Variants in XKR9 observed in about 807,000 individuals in gnomAD.
XKR9 encodes the protein XK related 9, also known as XK-related protein 9.
Under a neutral mutation model 32.0 loss-of-function variants are expected in XKR9, and 32 were observed. The observed-to-expected ratio is 1.00, with a 90% CI of 0.76 to 1.34. The LOEUF is 1.34. Among genes scored for constraint, XKR9 ranks in the 40% most tolerant of loss-of-function variants. The probability of loss-of-function intolerance (pLI) is 0.00; values close to 1 mark genes in which losing one functional copy is unlikely to be tolerated. For synonymous variants in XKR9, 168 were observed against 143.4 expected (o/e 1.17, Z -1.22); for missense variants, 546 against 429.7 (o/e 1.27, Z -2.39).
the XKR9 span, among the ~76,000 whole-genome samples, chr8:71,015,341 T>G: frequency 6.6e-6 from 1 of 152,180 alleles, no homozygotes; most frequent in African/African-American, 2.4e-5. Flanking sequence ...CAGTTTCCCT[T>G]AACTTCCCAG....
chr8:70,997,309 C>CA, the XKR9 span, among the ~76,000 whole-genome samples: 167 of 146,910 alleles, frequency 1.1e-3, no homozygotes, highest in Middle Eastern at 3.4e-3. Flanking sequence ...AAAAAACAAA[C>CA]AAAAAAAAAA....
chr8:70,946,619 T>C, the XKR9 span, among the ~76,000 whole-genome samples: 173 of 152,344 alleles, frequency 1.1e-3, no homozygotes, highest in Admixed American at 3.1e-3. Flanking sequence ...GAGGCTTGAC[T>C]GTAAAGCCCC....
At chr8:70,700,941 G>A (rs1805504794) in intron 3 of XKR9, among the ~76,000 whole-genome samples, 1 of 152,214 alleles carries the variant, frequency 6.6e-6, no homozygotes, top group Non-Finnish European at 1.5e-5. Context: ...ATCTCAGACT[G>A]CTGTGCTAGC....
At chr8:70,944,828 A>G in the XKR9 span, among the ~76,000 whole-genome samples, 1 of 152,224 alleles carries the variant, frequency 6.6e-6, no homozygotes, top group East Asian at 1.9e-4. Context: ...CATATACACA[A>G]AAATCACTCT....
At chr8:70,705,255 A>G (rs1805680428) in intron 3 of XKR9, among the ~76,000 whole-genome samples, 1 of 152,208 alleles carries the variant, frequency 6.6e-6, no homozygotes, top group South Asian at 2.1e-4. Context: ...TTAGTTGTTT[A>G]GGATATAGCA....
downstream of XKR9, among the ~76,000 whole-genome samples, chr8:70,737,445 T>A: frequency 1.4e-5 from 2 of 148,078 alleles, no homozygotes; most frequent in African/African-American, 2.5e-5. Context: ...CTTTTCCTGA[T>A]TGAATACCCT....
At chr8:70,724,841 C>CT (rs1806408807) in intron 4 of XKR9, among the ~76,000 whole-genome samples, 2 of 152,060 alleles carry the variant, frequency 1.3e-5, no homozygotes, top group South Asian at 4.2e-4. Context: ...TCTGGGTTTT[C>CT]TTTTTTTGGG....
the XKR9 span, among the ~76,000 whole-genome samples, chr8:70,901,794 T>C: frequency 6.6e-6 from 1 of 152,210 alleles, no homozygotes. Context: ...GTGGTTTAGG[T>C]CTAACATTTA....
In XKR9 at chr8:70,735,459, A is replaced by C. The variant is rs1000962412; in HGVS notation, c.*1035A>C. 2 of 149,238 alleles carry C rather than the reference A, an allele frequency of 1.3e-5. No homozygotes were observed. The highest frequency in any genetic ancestry group is 2.4e-5 in the African/African-American group (1 of 40,938). The allele number at this position is 149,238 out of a possible 1,614,324, so 9.2% of individuals were successfully genotyped here. ...TATTTATTTTTAATTTTTTAATTTT[A>C]TATTATTATTATTATTATTATACTT... On this transcript the variant is annotated 3_prime_UTR_variant, in exon 5 of 5. Coordinates refer to ENST00000408926, the MANE Select transcript of XKR9 (RefSeq NM_001011720.2).
chr8:70,935,228 T>G, the XKR9 span, among the ~76,000 whole-genome samples: 1 of 57,366 alleles, frequency 1.7e-5, no homozygotes, highest in Admixed American at 1.7e-4. Context: ...CACACACACA[T>G]ACACATTTGA....
At chr8:70,744,964 G>T (rs1394950300) in intron 2 of XKR9, among the ~76,000 whole-genome samples, 1 of 150,200 alleles carries the variant, frequency 6.7e-6, no homozygotes, top group South Asian at 2.1e-4. Flanking sequence ...ATGTTTTTCA[G>T]CTTTAGCTCA....
intron 2 of XKR9, among the ~76,000 whole-genome samples, chr8:70,675,271 C>CA (rs1456927621): frequency 6.6e-6 from 1 of 152,148 alleles, no homozygotes. Context: ...ACTAAAAATA[C>CA]AAAAATTAGC....
intron 4 of XKR9, among the ~76,000 whole-genome samples, chr8:70,717,900 C>T (rs1806145154): frequency 6.6e-6 from 1 of 152,114 alleles, no homozygotes; most frequent in Non-Finnish European, 1.5e-5. Context: ...ACCAGATACC[C>T]TAAATCATCT....
At chr8:70,871,033 CAT>C in the XKR9 span, among the ~76,000 whole-genome samples, 1 of 152,110 alleles carries the variant, frequency 6.6e-6, no homozygotes, top group Non-Finnish European at 1.5e-5. Flanking sequence ...GTACTAATAA[CAT>C]ATAGTTATTT....
At chr8:70,846,887 A>G in the XKR9 span, among the ~76,000 whole-genome samples, 1 of 152,060 alleles carries the variant, frequency 6.6e-6, no homozygotes, top group Non-Finnish European at 1.5e-5. Context: ...TACAATAGTT[A>G]TTGGGGACTG....
intron 3 of XKR9, among the ~76,000 whole-genome samples, chr8:70,684,483 C>T (rs1819191430): frequency 6.6e-6 from 1 of 151,946 alleles, no homozygotes; most frequent in Non-Finnish European, 1.5e-5. Flanking sequence ...TACACATAAG[C>T]ATACATAATC....
chr8:70,811,831 G>A, the XKR9 span, among the ~76,000 whole-genome samples: 1 of 152,012 alleles, frequency 6.6e-6, no homozygotes, highest in Non-Finnish European at 1.5e-5. Context: ...TCCAGGACCA[G>A]ATGGATTCAC....
chr8:70,888,298 T>G, the XKR9 span, among the ~76,000 whole-genome samples: 1 of 146,908 alleles, frequency 6.8e-6, no homozygotes, highest in South Asian at 2.1e-4. Flanking sequence ...GATTATTTGC[T>G]TTTTTTTTTA....
At chr8:70,812,586 T>C in the XKR9 span, among the ~76,000 whole-genome samples, 288 of 152,262 alleles carry the variant, frequency 1.9e-3, 1 homozygote, top group African/African-American at 6.3e-3. Context: ...TAAGCAACTT[T>C]GGCAAAGTCT....
Sources: allele counts gnomAD v4.1 joint callset (sites outside exome capture counted in the v4.1 genomes callset), GRCh38; gene constraint gnomAD v4.1.1; transcripts MANE v1.5; gene names NCBI Gene and HGNC (gene_info 2026-07-23, HGNC 2026-07-21).